ZKSCAN4: variants seen among roughly 807,000 people sequenced by gnomAD.
ZKSCAN4 encodes zinc finger with KRAB and SCAN domains 4.
ZKSCAN4 carries 23 observed loss-of-function variants against 30.8 expected under a neutral mutation model. That is an observed-to-expected ratio of 0.75 (90% CI 0.54 to 1.06). The LOEUF is 1.06. Among genes scored for constraint, ZKSCAN4 ranks in the 50% least tolerant of loss-of-function variants. The probability of loss-of-function intolerance (pLI) is 0.00; values close to 1 mark genes in which losing one functional copy is unlikely to be tolerated. For synonymous variants in ZKSCAN4, 208 were observed against 252.5 expected (o/e 0.82, Z 1.67); for missense variants, 556 against 665.4 (o/e 0.84, Z 1.81).
upstream of ZKSCAN4, among the ~76,000 whole-genome samples, chr6:28,255,835 G>T (rs941728485): frequency 6.6e-6 from 1 of 152,006 alleles, no homozygotes; most frequent in Non-Finnish European, 1.5e-5. Flanking sequence ...GGGGTAGTTG[G>T]ATAAGGGAAA....
upstream of ZKSCAN4, among the ~76,000 whole-genome samples, chr6:28,256,173 G>A (rs141255329): frequency 1.4e-4 from 21 of 152,264 alleles, no homozygotes; most frequent in East Asian, 3.7e-3. Context: ...TGTAATGCTA[G>A]CACTTTCTGA....
Position 28,243,864 on chromosome 6 carries a change from C to A in ZKSCAN4, c.*1252G>T, listed in dbSNP as rs971356398. Among the ~76,000 whole-genome samples the A allele has an allele frequency of 6.6e-6, 1 of 151,966 alleles. No homozygotes were observed. The highest frequency in any genetic ancestry group is 1.5e-5 in the Non-Finnish European group (1 of 67,990). ...ATTTTTTGTAGAGATGGGGTTTCACCGTGTTGGCCAGGCTGGTCTCAAACT... is the reference window on the plus strand; with the variant it reads ...ATTTTTTGTAGAGATGGGGTTTCACAGTGTTGGCCAGGCTGGTCTCAAACT... On this transcript the variant is annotated 3_prime_UTR_variant, in exon 5 of 5. Transcript: ENST00000377294.
upstream of ZKSCAN4, among the ~76,000 whole-genome samples, chr6:28,253,441 ATAC>A (rs1761089269): frequency 6.6e-6 from 1 of 152,254 alleles, no homozygotes; most frequent in African/African-American, 2.4e-5. The surrounding 1 kb of genome is among the most constrained non-coding windows in gnomAD (Gnocchi z 4.2). Context: ...CAAATGAAAA[ATAC>A]TACAAAATAT....
Position 28,251,971 on chromosome 6 carries a change from C to A in ZKSCAN4, c.10G>T (p.Glu4Ter), listed in dbSNP as rs779341236. 16 of 1,519,600 alleles carry A rather than the reference C, an allele frequency of 1.1e-5. 1 individual carries two copies. In the South Asian group the frequency reaches 1.9e-4, roughly 18 times the overall value. The allele number at this position is 1,519,600 out of a possible 1,614,324, so 94.1% of individuals were successfully genotyped here. A position where few individuals can be genotyped will look rare whatever the true frequency, so the allele number is the denominator to read the frequency against. The change falls in exon 1 of 5, where the codon GAA becomes TAA. Residue 4 changes from glutamate to a stop codon, truncating the protein, a stop_gained. Transcript: ENST00000377294. LOFTEE classifies it high-confidence loss of function. The surrounding 1 kb of genome is among the most constrained non-coding windows in gnomAD (Gnocchi z 4.5). The part of the protein sequence containing the change: MAR[E>*]PRKNAALDAQ... The stretch of plus-strand genomic sequence containing the variant: ...TCCAGGGCTGCGTTTTTTCTCGGTT[C>A]TCTAGCCATTCTGACCCAAGGCAGT...
At position 28,244,281 on chromosome 6, in the gene ZKSCAN4, T is replaced by C. The variant is rs537295182; in HGVS notation, c.*835A>G. On this transcript the variant is annotated 3_prime_UTR_variant, in exon 5 of 5. Transcript: ENST00000377294. Reference sequence around the variant, plus strand: ...TGTTCAAAATTCATAATAATCATTTTGATCTAACTCAGTAAGTTGATTTTT... The same window carrying C: ...TGTTCAAAATTCATAATAATCATTTCGATCTAACTCAGTAAGTTGATTTTT... Among the ~76,000 whole-genome samples the C allele has an allele frequency of 6.6e-6, 1 of 152,292 alleles. No individual in the cohort carries two copies. The highest frequency in any genetic ancestry group is 2.1e-4 in the South Asian group (1 of 4,830).
chr6:28,245,674 G>A lies in ZKSCAN4; in HGVS notation c.1080C>T (p.Ser360=). The change falls in exon 5 of 5, where the codon AGC becomes AGT. Residue 360 remains serine, a synonymous_variant. Transcript: ENST00000377294. The part of the protein sequence containing the change: ...CEDCGKTFIG[S]SALVIHQRVH... Reference sequence around the variant, plus strand: ...CTCTCTGATGAATGACAAGGGCAGAGCTCCCAATGAAGGTCTTTCCACAGT... The same window carrying A: ...CTCTCTGATGAATGACAAGGGCAGAACTCCCAATGAAGGTCTTTCCACAGT... 1 of 1,613,938 alleles carries A rather than the reference G, an allele frequency of 6.2e-7. No homozygotes were observed. The highest frequency in any genetic ancestry group is 1.1e-5 in the South Asian group (1 of 91,078).
At position 28,249,296 on chromosome 6, in the gene ZKSCAN4, ATAT is replaced by A. The variant is rs1480176914; in HGVS notation, c.571+388_571+390del. ...ATAGCACTTAACAATATCTAAAATT[ATAT>A]TATTAATTTATTTTCTATCCTCCCT... On this transcript the variant is annotated intron_variant, in intron 2 of 4. Coordinates refer to ENST00000377294, the MANE Select transcript of ZKSCAN4 (RefSeq NM_019110.5). The surrounding 1 kb of genome is among the most constrained non-coding windows in gnomAD (Gnocchi z 4.1). Among the ~76,000 whole-genome samples, 3 of 152,186 alleles carry A rather than the reference ATAT, an allele frequency of 2.0e-5. No individual in the cohort carries two copies. The highest frequency in any genetic ancestry group is 1.3e-4 in the Admixed American group (2 of 15,284).
chr6:28,242,195 TA>T lies in ZKSCAN4; in HGVS notation c.*2920del. 6.6e-6 allele frequency among the ~76,000 whole-genome samples: 1 copy of T among 152,228 alleles called. No individual in the cohort carries two copies. The highest frequency in any genetic ancestry group is 1.5e-5 in the Non-Finnish European group (1 of 68,022). The stretch of plus-strand genomic sequence containing the variant: ...TGAAAAGTGGCATTTTATTGTGCTT[TA>T]TATACTGCTTATATCTCAACTAAGT... On this transcript the variant is annotated 3_prime_UTR_variant, in exon 5 of 5. Transcript: ENST00000377294.
At position 28,245,070 on chromosome 6, in the gene ZKSCAN4, C is replaced by T. The variant is rs1278601822; in HGVS notation, c.*46G>A. On this transcript the variant is annotated 3_prime_UTR_variant, in exon 5 of 5. Transcript: ENST00000377294. ...ACCATTAAGGGCTCCAGGGTGGCTT[C>T]AGTTCAGTGACAAATGAGCACCAAT... The T allele has an allele frequency of 1.9e-6, 3 of 1,613,678 alleles. No individual in the cohort carries two copies. The highest frequency in any genetic ancestry group is 2.7e-5 in the African/African-American group (2 of 74,930).
Position 28,251,328 on chromosome 6 carries a change from A to G in ZKSCAN4, c.423+230T>C, listed in dbSNP as rs1171152733. On this transcript the variant is annotated intron_variant, in intron 1 of 4. Coordinates refer to ENST00000377294, the MANE Select transcript of ZKSCAN4 (RefSeq NM_019110.5). The surrounding 1 kb of genome is among the most constrained non-coding windows in gnomAD (Gnocchi z 4.5). ...TTAATACAAATTTAATTCTTTGCTAACTGTATGTCAATATAGTTGTGTTCT... is the reference window on the plus strand; with the variant it reads ...TTAATACAAATTTAATTCTTTGCTAGCTGTATGTCAATATAGTTGTGTTCT... 4 of 649,904 alleles carry G rather than the reference A, an allele frequency of 6.2e-6. No homozygotes were observed. In the African/African-American group the frequency reaches 7.3e-5, roughly 12 times the overall value. The allele number at this position is 649,904 out of a possible 1,614,324, so 40.3% of individuals were successfully genotyped here.
intron 3 of ZKSCAN4, 65 bp from the exon 4 acceptor site, chr6:28,247,157 A>G: frequency 6.6e-7 from 1 of 1,503,972 alleles, no homozygotes; most frequent in African/African-American, 1.4e-5. Context: ...CAAAGAATGA[A>G]CATCCCCTTT....
chr6:28,243,669 T>C lies in ZKSCAN4; in HGVS notation c.*1447A>G, dbSNP rs1356788471. On this transcript the variant is annotated 3_prime_UTR_variant, in exon 5 of 5. Coordinates refer to ENST00000377294, the MANE Select transcript of ZKSCAN4 (RefSeq NM_019110.5). ...GAACAGACACATTTTCTTTTCTTTTTTTTTTTTCTTTTTGAGACAGAGTCT... is the reference window on the plus strand; with the variant it reads ...GAACAGACACATTTTCTTTTCTTTTCTTTTTTTCTTTTTGAGACAGAGTCT... Among the ~76,000 whole-genome samples the C allele has an allele frequency of 1.3e-5, 2 of 151,772 alleles. No homozygotes were observed. Among genetic ancestry groups the C allele is most frequent in the East Asian group, 1.9e-4 (1 of 5,192 alleles).
chr6:28,241,722 CTTTA>C lies in ZKSCAN4; in HGVS notation c.*3390_*3393del, dbSNP rs1464100078. Among the ~76,000 whole-genome samples the C allele has an allele frequency of 2.0e-5, 3 of 152,080 alleles. No individual in the cohort carries two copies. The highest frequency in any genetic ancestry group is 4.4e-5 in the Non-Finnish European group (3 of 67,978). ...TTACAGGACACTTTTAAAATATAGT[CTTTA>C]TTATTAAACAATTATAATTCCTTTA... On this transcript the variant is annotated 3_prime_UTR_variant, in exon 5 of 5. Transcript: ENST00000377294.
In ZKSCAN4 at chr6:28,249,545, G is replaced by T; in HGVS notation, c.571+142C>A. On this transcript the variant is annotated intron_variant, in intron 2 of 4. Transcript: ENST00000377294. This position sits in a 1 kb window ranked among gnomAD's most constrained non-coding sequence, Gnocchi z 4.1. ...TTAGGAAAGTTTTTCACCATTGTTT[G>T]AAATTTCTCTTAGTCTCAGTCTTAA... The T allele has an allele frequency of 9.9e-7, 1 of 1,007,640 alleles. No individual in the cohort carries two copies. The highest frequency in any genetic ancestry group is 1.4e-6 in the Non-Finnish European group (1 of 727,096). The allele number at this position is 1,007,640 out of a possible 1,614,324, so 62.4% of individuals were successfully genotyped here. A position where few individuals can be genotyped will look rare whatever the true frequency, so the allele number is the denominator to read the frequency against.
chr6:28,256,084 T>A (rs554273763), upstream of ZKSCAN4, among the ~76,000 whole-genome samples: 2 of 152,288 alleles, frequency 1.3e-5, no homozygotes, highest in Non-Finnish European at 2.9e-5. Flanking sequence ...AGGTAAATGA[T>A]ATATGGGTGT....
chr6:28,245,011 G>T lies in ZKSCAN4; in HGVS notation c.*105C>A. On this transcript the variant is annotated 3_prime_UTR_variant, in exon 5 of 5. Coordinates refer to ENST00000377294, the MANE Select transcript of ZKSCAN4 (RefSeq NM_019110.5). ...ATTTTCTAATACCCGATGATGTATA[G>T]TGGTAAATAAAGCCCTGGTCCACAA... The T allele has an allele frequency of 7.4e-7, 1 of 1,350,292 alleles. No homozygotes were observed. Among genetic ancestry groups the T allele is most frequent in the Non-Finnish European group, 1.1e-6 (1 of 943,932 alleles). The allele number at this position is 1,350,292 out of a possible 1,614,324, so 83.6% of individuals were successfully genotyped here.
rs180744230 is a variant in ZKSCAN4, at chr6:28,247,980, T to A, written c.654+87A>T. 5.0e-4 allele frequency: 431 copies of A among 863,294 alleles called. 3 individuals are homozygous for A. The African/African-American group carries it at 6.6e-3, about 13-fold the overall frequency. The allele number at this position is 863,294 out of a possible 1,614,324, so 53.5% of individuals were successfully genotyped here. A position where few individuals can be genotyped will look rare whatever the true frequency, so the allele number is the denominator to read the frequency against. On this transcript the variant is annotated intron_variant, in intron 3 of 4. Coordinates refer to ENST00000377294, the MANE Select transcript of ZKSCAN4 (RefSeq NM_019110.5). ...ATGTAGATCTAGGATAGGGGTGGGG[T>A]AGGACTGGGGAGGGAGGAACTTAAT...
In ZKSCAN4 at chr6:28,248,088, G is replaced by A. The variant is rs143401034; in HGVS notation, c.633C>T (p.Ser211=). Residue 211 remains serine, a synonymous_variant, in exon 3 of 5, where the codon TCC becomes TCT. Coordinates refer to ENST00000377294, the MANE Select transcript of ZKSCAN4 (RefSeq NM_019110.5). ...GCCREDAMVA[S]RLTPGSQGLL... Reference sequence around the variant, plus strand: ...TCACCTGGGACCCTGGAGTGAGCCTGGAAGCTACCATTGCATCTTCTCTGC... The same window carrying A: ...TCACCTGGGACCCTGGAGTGAGCCTAGAAGCTACCATTGCATCTTCTCTGC... The A allele has an allele frequency of 6.3e-5, 102 of 1,613,154 alleles. No homozygotes were observed. The highest frequency in any genetic ancestry group is 7.6e-5 in the Non-Finnish European group (90 of 1,179,588).
chr6:28,253,175 C>T (rs2113693940), upstream of ZKSCAN4, among the ~76,000 whole-genome samples: 1 of 152,208 alleles, frequency 6.6e-6, no homozygotes, highest in African/African-American at 2.4e-5. This position sits in a 1 kb window ranked among gnomAD's most constrained non-coding sequence, Gnocchi z 4.2. Context: ...AGAAGAAAGC[C>T]CTGAGAATTC....
Sources: gnomAD v4.1 joint callset for allele counts (sites outside exome capture counted in the v4.1 genomes callset) on GRCh38, gnomAD v4.1.1 for gene constraint, Gnocchi (gnomAD v3.1) non-coding constraint, MANE v1.5 for transcripts, NCBI Gene and HGNC (gene_info 2026-07-23, HGNC 2026-07-21) for gene names.